The following PKHD1L1 variants were observed in gnomAD, a reference collection of about 807,000 sequenced individuals.
PKHD1L1 encodes the protein PKHD1 like 1.
PKHD1L1 carries 434 observed loss-of-function variants against 462.9 expected under a neutral mutation model. That is an observed-to-expected ratio of 0.94 (90% confidence interval 0.87 to 1.02). The LOEUF is 1.02. PKHD1L1 is among the 50% of genes least tolerant of loss of function. The probability of loss-of-function intolerance (pLI) is 0.00; values close to 1 mark genes in which losing one functional copy is unlikely to be tolerated. For synonymous variants in PKHD1L1, 1,781 were observed against 1,750.0 expected (o/e 1.02, Z -0.44); for missense variants, 5,202 against 5,096.1 (o/e 1.02, Z -0.63).
At chr8:109,432,849 A>G (rs1411881006) in intron 27 of PKHD1L1, among the ~76,000 whole-genome samples, 1 of 152,208 alleles carries the variant, frequency 6.6e-6, no homozygotes, top group Non-Finnish European at 1.5e-5. Context: ...CATATTTTCA[A>G]TCAGATAGTT....
intron 19 of PKHD1L1, 74 bp from the exon 20 acceptor site, chr8:109,412,191 G>A (rs1813890765): frequency 6.6e-7 from 1 of 1,521,232 alleles, no homozygotes; most frequent in Non-Finnish European, 9.0e-7. Flanking sequence ...ACCTTGAGTG[G>A]TTTGGGTGCA....
chr8:109,429,443 C>T lies in PKHD1L1; in HGVS notation c.3104C>T (p.Thr1035Ile), dbSNP rs750345777. 2.5e-6 allele frequency: 4 copies of T among 1,608,136 alleles called. No individual in the cohort carries two copies. The Admixed American group carries it at 5.1e-5, about 20-fold the overall frequency. Residue 1035 changes from threonine (T) to isoleucine (I), a missense_variant, in exon 26 of 78, where the codon ACA (threonine) becomes ATA (isoleucine). Thr to Ile is a moderately conservative substitution (Grantham distance 89, BLOSUM62 -1). Transcript: ENST00000378402. ...CATGTACTTGGAGACCTACTTCGTA[C>T]ACCCAGTCAACAGCCACAGGTATTT... The part of the protein sequence containing the change: ...RQHVLGDLLR[T>I]PSQQPQVEVY...
intron 57 of PKHD1L1, 85 bp downstream of exon 57, chr8:109,483,190 C>T: frequency 1.1e-6 from 1 of 879,192 alleles, no homozygotes; most frequent in Non-Finnish European, 1.6e-6. Context: ...CATGGGCATT[C>T]ATTTTCTCAT....
chr8:109,495,031 T>G (rs1819018582), intron 63 of PKHD1L1, among the ~76,000 whole-genome samples: 1 of 151,884 alleles, frequency 6.6e-6, no homozygotes, highest in Non-Finnish European at 1.5e-5. Context: ...TAGCATAAAT[T>G]TCACCTTTTA....
chr8:109,465,066 AC>A lies in PKHD1L1; in HGVS notation c.8235del (p.Phe2746LeufsTer7). The stretch of plus-strand genomic sequence containing the variant: ...ACTGTCTCTTCTGTGCACTTTATGA[AC>A]TTTGACCGTCCCAACTGTGTAGCTT... Reference protein sequence around the residue: ...GLTVSSVHFMNFDRPNCVALG... With the variant: ...GLTVSSVHFMXFDRPNCVALG... On this transcript the variant is annotated frameshift_variant, in exon 49 of 78. Transcript: ENST00000378402. LOFTEE classifies it high-confidence loss of function. 1 of 1,613,686 alleles carries A rather than the reference AC, an allele frequency of 6.2e-7. No individual in the cohort carries two copies.
chr8:109,523,125 A>G (rs1820637133), intron 75 of PKHD1L1, 108 bp from the exon 76 acceptor site: 10 of 1,168,430 alleles, frequency 8.6e-6, no homozygotes, highest in Non-Finnish European at 9.4e-6. Context: ...GCTTCTGCAG[A>G]TTTTCAATTT....
At chr8:109,404,364 C>T (rs1217017420) in intron 14 of PKHD1L1, among the ~76,000 whole-genome samples, 190 bp from the exon 15 acceptor site, 1 of 152,084 alleles carries the variant, frequency 6.6e-6, no homozygotes, top group Non-Finnish European at 1.5e-5. Context: ...AGATATCTTA[C>T]ATAATTCATT....
rs115525010 is a variant in PKHD1L1 at position 109,429,134 on chromosome 8, T to A, written c.3001-206T>A. ...ATTGATGCAATGTATGATAATGCAA[T>A]GGTCTTAATTTTTTTTCTTGGATAG... On this transcript the variant is annotated intron_variant, in intron 25 of 77. Transcript: ENST00000378402. Among the ~76,000 whole-genome samples the A allele has an allele frequency of 5.3e-3, 800 of 152,266 alleles. 9 individuals carry two copies. The highest frequency in any genetic ancestry group is 0.019 in the African/African-American group (772 of 41,580).
intron 2 of PKHD1L1, among the ~76,000 whole-genome samples, chr8:109,376,062 C>T (rs1811806104): frequency 1.3e-5 from 2 of 152,248 alleles, no homozygotes; most frequent in East Asian, 1.9e-4. Context: ...GCAGAGGTTA[C>T]TGCTGCCTTT....
chr8:109,534,635 A>G lies in PKHD1L1; in HGVS notation c.*4545A>G, dbSNP rs1821110352. On this transcript the variant is annotated 3_prime_UTR_variant, in exon 78 of 78. Transcript: ENST00000378402. ...GAGTGTTCAGTCTCCAGTGAAAGAA[A>G]TATTAAGATTTATTCCCCCAATTTC... is the stretch of plus-strand genomic sequence containing the variant. 1.3e-5 allele frequency among the ~76,000 whole-genome samples: 2 copies of G among 152,136 alleles called. No individual in the cohort carries two copies. Among genetic ancestry groups the G allele is most frequent in the Non-Finnish European group, 2.9e-5 (2 of 68,018 alleles).
At position 109,396,070 on chromosome 8, in the gene PKHD1L1, C is replaced by A. The variant is rs780258763; in HGVS notation, c.855C>A (p.Gly285=). The part of the protein sequence containing the change: ...IFPSQGSIRG[G]TTLTISGRFF... ...CTTCACAAGGAAGCATTCGAGGTGG[C>A]ACCACGCTGACAATAAGTGGGCGTT... The change falls in exon 11 of 78, where the codon GGC becomes GGA. Residue 285 remains glycine (G), a synonymous_variant. Coordinates refer to ENST00000378402, the MANE Select transcript of PKHD1L1 (RefSeq NM_177531.6). 1 of 1,608,542 alleles carries A rather than the reference C, an allele frequency of 6.2e-7. No individual in the cohort carries two copies. The highest frequency in any genetic ancestry group is 2.2e-5 in the East Asian group (1 of 44,702).
chr8:109,509,449 T>A (rs1819862591), intron 70 of PKHD1L1, among the ~76,000 whole-genome samples: 1 of 151,856 alleles, frequency 6.6e-6, no homozygotes, highest in Admixed American at 6.6e-5. Context: ...AATATGAATT[T>A]AAATTTTAAA....
chr8:109,461,330 A>G (rs1817114012), intron 47 of PKHD1L1, among the ~76,000 whole-genome samples: 1 of 152,176 alleles, frequency 6.6e-6, no homozygotes, highest in African/African-American at 2.4e-5. Context: ...TGTACATGAA[A>G]CCTAGTTTCA....
At chr8:109,410,006 C>A in intron 19 of PKHD1L1, 28 bp downstream of exon 19, 1 of 1,199,258 alleles carries the variant, frequency 8.3e-7, no homozygotes. Flanking sequence ...AACTGTGAAA[C>A]TGACCTAATA....
chr8:109,524,492 A>C (rs1201952627), intron 76 of PKHD1L1, among the ~76,000 whole-genome samples: 1 of 152,138 alleles, frequency 6.6e-6, no homozygotes, highest in South Asian at 2.1e-4. Context: ...ACCTGAAAAG[A>C]AGTTTGCTCA....
In PKHD1L1 at chr8:109,404,545, A is replaced by AT. The variant is rs768616016; in HGVS notation, c.1374-5dup. On this transcript the variant is annotated splice_polypyrimidine_tract_variant and intron_variant, in intron 14 of 77. Coordinates refer to ENST00000378402, the MANE Select transcript of PKHD1L1 (RefSeq NM_177531.6). ...AAAAGTTATATTCATTAGTTACTCT[A>AT]TTTTCCAGATACTATATTGAAATCT... is the stretch of plus-strand genomic sequence containing the variant. 40 of 1,501,756 alleles carry AT rather than the reference A, an allele frequency of 2.7e-5. No homozygotes were observed. In the African/African-American group the frequency reaches 4.1e-4, roughly 15 times the overall value. 93.0% of individuals were successfully genotyped at this position (1,501,756 alleles called of 1,614,324 possible).
intron 50 of PKHD1L1, among the ~76,000 whole-genome samples, chr8:109,467,189 G>A (rs570027010): frequency 4.6e-5 from 7 of 152,188 alleles, no homozygotes; most frequent in Non-Finnish European, 8.8e-5. Flanking sequence ...TCCGGTAAAG[G>A]TACAATACCT....
intron 2 of PKHD1L1, among the ~76,000 whole-genome samples, chr8:109,369,042 C>G (rs113815420): frequency 6.6e-6 from 1 of 151,696 alleles, no homozygotes; most frequent in Non-Finnish European, 1.5e-5. Flanking sequence ...GGCAATGGCA[C>G]GATCTCGACT....
intron 68 of PKHD1L1, among the ~76,000 whole-genome samples, chr8:109,507,348 A>G (rs1819740924): frequency 6.6e-6 from 1 of 152,172 alleles, no homozygotes; most frequent in African/African-American, 2.4e-5. Flanking sequence ...GTATGCTGTG[A>G]ACAATGCACA....
Sources: gnomAD v4.1 joint callset for allele counts (sites outside exome capture counted in the v4.1 genomes callset) on GRCh38, gnomAD v4.1.1 for gene constraint, MANE v1.5 for transcripts, NCBI Gene and HGNC (gene_info 2026-07-23, HGNC 2026-07-21) for gene names.